LINGO2: variants seen among roughly 807,000 people sequenced by gnomAD.
The protein encoded by LINGO2 is leucine rich repeat and Ig domain containing 2.
Under a neutral mutation model 30.6 loss-of-function variants are expected in LINGO2, and 14 were observed. That is an observed-to-expected ratio of 0.46 (90% confidence interval 0.30 to 0.72). The LOEUF is 0.72. LINGO2 is among the 30% of genes least tolerant of loss of function. The pLI is 0.07. For synonymous variants in LINGO2, 317 were observed against 288.5 expected (o/e 1.10, Z -1.00); for missense variants, 729 against 751.7 (o/e 0.97, Z 0.35).
intron 1 of LINGO2, among the ~76,000 whole-genome samples, chr9:28,539,230 G>A (rs1219242064): frequency 1.3e-5 from 2 of 151,986 alleles, no homozygotes; most frequent in African/African-American, 2.4e-5. Context: ...TTTTTATAAA[G>A]TGGGTCTTTT....
the LINGO2 span, among the ~76,000 whole-genome samples, chr9:29,006,739 G>A: frequency 6.6e-6 from 1 of 151,950 alleles, no homozygotes; most frequent in Non-Finnish European, 1.5e-5. Context: ...ATTAAGCATA[G>A]TACAGTCGTA....
At chr9:28,765,662 C>A in the LINGO2 span, among the ~76,000 whole-genome samples, 1 of 152,064 alleles carries the variant, frequency 6.6e-6, no homozygotes, top group Non-Finnish European at 1.5e-5. Context: ...CTTTGACCTT[C>A]TGCTGTGGTG....
intron 4 of LINGO2, among the ~76,000 whole-genome samples, chr9:28,274,458 C>T (rs1823047863): frequency 6.6e-6 from 1 of 152,156 alleles, no homozygotes; most frequent in South Asian, 2.1e-4. Flanking sequence ...CTTGGAAATT[C>T]CCCTCATTTT....
chr9:28,745,396 T>C, the LINGO2 span, among the ~76,000 whole-genome samples: 1 of 152,026 alleles, frequency 6.6e-6, no homozygotes, highest in Non-Finnish European at 1.5e-5. Context: ...TCTCATAATA[T>C]GGGGTTGGGG....
chr9:28,132,058 A>G (rs1827392659), intron 4 of LINGO2, among the ~76,000 whole-genome samples: 2 of 152,302 alleles, frequency 1.3e-5, no homozygotes, highest in Admixed American at 1.3e-4. Context: ...CTTTCTTTGT[A>G]AAAGTAGTAT....
chr9:28,017,489 A>T (rs1410965398), intron 4 of LINGO2, among the ~76,000 whole-genome samples: 1 of 152,138 alleles, frequency 6.6e-6, no homozygotes, highest in African/African-American at 2.4e-5. Context: ...AATTCAGCAA[A>T]ATTTCAGGAT....
chr9:28,897,694 T>C, the LINGO2 span, among the ~76,000 whole-genome samples: 1 of 152,104 alleles, frequency 6.6e-6, no homozygotes, highest in Non-Finnish European at 1.5e-5. Flanking sequence ...ATTGTATCTA[T>C]ATCACAGGGG....
chr9:29,002,538 C>T, the LINGO2 span, among the ~76,000 whole-genome samples: 1 of 152,026 alleles, frequency 6.6e-6, no homozygotes, highest in Non-Finnish European at 1.5e-5. Flanking sequence ...CATAAAGTAG[C>T]CAAAGCTTGG....
the LINGO2 span, among the ~76,000 whole-genome samples, chr9:28,762,105 C>T: frequency 4.6e-5 from 7 of 152,076 alleles, no homozygotes; most frequent in African/African-American, 2.4e-5. Context: ...TAATTGCATT[C>T]CTGCTTTCTA....
At chr9:28,355,297 ATG>A (rs1820133532) in intron 3 of LINGO2, among the ~76,000 whole-genome samples, 2 of 41,148 alleles carry the variant, frequency 4.9e-5, no homozygotes, top group African/African-American at 8.8e-5. Flanking sequence ...CTCTCTCTCT[ATG>A]TCTCTCTCTC....
chr9:28,144,481 C>T (rs904793867), intron 4 of LINGO2, among the ~76,000 whole-genome samples: 1 of 152,218 alleles, frequency 6.6e-6, no homozygotes, highest in Non-Finnish European at 1.5e-5. Context: ...AATGTAACTA[C>T]ATCCACAGAC....
chr9:28,233,797 G>A lies in LINGO2; in HGVS notation c.-87+61411C>T, dbSNP rs548420357. Among the ~76,000 whole-genome samples, 6 of 152,256 alleles carry A rather than the reference G, an allele frequency of 3.9e-5. No individual in the cohort carries two copies. In the South Asian group the frequency reaches 1.2e-3, roughly 32 times the overall value. ...GTAGAGTTGTGAGGCCCCATTCCAG[G>A]CCCTAGCTCCCAGGTGACATTTCTA... On this transcript the variant is annotated intron_variant, in intron 4 of 5. Transcript: ENST00000379992.
intron 2 of LINGO2, among the ~76,000 whole-genome samples, chr9:28,454,292 T>G (rs540627307): frequency 6.6e-6 from 1 of 152,182 alleles, no homozygotes; most frequent in Non-Finnish European, 1.5e-5. Flanking sequence ...TTTGCTAAAA[T>G]TGTTTTTCAA....
intron 4 of LINGO2, chr9:28,080,580 C>CATGGTG (rs1768385993): frequency 6.6e-6 from 1 of 152,130 alleles, no homozygotes; most frequent in African/African-American, 2.4e-5. Flanking sequence ...TGAATGACAC[C>CATGGTG]AAAGCAAGTA....
At chr9:28,572,753 G>A (rs750636560) in intron 1 of LINGO2, among the ~76,000 whole-genome samples, 11 of 152,032 alleles carry the variant, frequency 7.2e-5, no homozygotes, top group East Asian at 1.9e-4. Context: ...CAACTACTCC[G>A]CGTATATTAG....
chr9:28,036,545 A>G (rs1447761179), intron 4 of LINGO2, among the ~76,000 whole-genome samples: 1 of 152,168 alleles, frequency 6.6e-6, no homozygotes, highest in Admixed American at 6.5e-5. Context: ...TGGAGGCAAT[A>G]ATTTTAGGCA....
chr9:28,341,452 C>T (rs1825762383), intron 3 of LINGO2, among the ~76,000 whole-genome samples: 2 of 151,960 alleles, frequency 1.3e-5, no homozygotes, highest in African/African-American at 4.8e-5. Flanking sequence ...ACTTCTAAAA[C>T]AAAGCAAAGA....
the LINGO2 span, among the ~76,000 whole-genome samples, chr9:28,723,951 C>T: frequency 6.6e-6 from 1 of 151,868 alleles, no homozygotes; most frequent in Non-Finnish European, 1.5e-5. Context: ...ATGAGCTATT[C>T]TTTTTTTTCC....
intron 4 of LINGO2, among the ~76,000 whole-genome samples, chr9:28,227,974 T>A (rs1052912122): frequency 4.6e-4 from 70 of 152,196 alleles, no homozygotes; most frequent in African/African-American, 1.6e-3. Context: ...GCTTTATTAT[T>A]TATCTAGAAT....
Sources: gnomAD v4.1 joint callset for allele counts (sites outside exome capture counted in the v4.1 genomes callset) on GRCh38, gnomAD v4.1.1 for gene constraint, MANE v1.5 for transcripts, NCBI Gene and HGNC (gene_info 2026-07-23, HGNC 2026-07-21) for gene names.